DDX10: variants seen among roughly 807,000 people sequenced by gnomAD.
DDX10 encodes DEAD-box helicase 10.
In DDX10, 74 loss-of-function variants were observed where a neutral mutation model predicts 104.3. The observed-to-expected ratio is 0.71, with a 90% CI of 0.59 to 0.86. DDX10 has a LOEUF of 0.86. Among genes scored for constraint, DDX10 ranks in the 40% least tolerant of loss-of-function variants. The pLI, the probability that DDX10 is intolerant of heterozygous loss-of-function variation, is 0.00. For synonymous variants in DDX10, 351 were observed against 353.4 expected (o/e 0.99, Z 0.08); for missense variants, 952 against 1,040.0 (o/e 0.92, Z 1.16).
In DDX10 at chr11:108,863,289, A is replaced by G. The variant is rs72993521; in HGVS notation, c.2304+11080A>G. On this transcript the variant is annotated intron_variant, in intron 16 of 17. Coordinates refer to ENST00000322536, the MANE Select transcript of DDX10 (RefSeq NM_004398.4). ...GGAAATAAATCTTTTATGATTCCAG[A>G]TAAAATGTTAAACTTGGAAAATGCT... is the stretch of plus-strand genomic sequence containing the variant. Among the ~76,000 whole-genome samples, 1,447 of 152,290 alleles carry G rather than the reference A, an allele frequency of 9.5e-3. 18 individuals carry two copies. Among genetic ancestry groups the G allele is most frequent in the Non-Finnish European group, 0.017 (1,180 of 68,024 alleles).
intron 15 of DDX10, among the ~76,000 whole-genome samples, chr11:108,846,535 G>A (rs1024846519): frequency 3.9e-5 from 6 of 152,102 alleles, no homozygotes; most frequent in Non-Finnish European, 5.9e-5. Flanking sequence ...GTGAGATTGT[G>A]TATTATTTAC....
chr11:108,814,949 A>G (rs564057348), intron 13 of DDX10, among the ~76,000 whole-genome samples: 1 of 152,360 alleles, frequency 6.6e-6, no homozygotes, highest in South Asian at 2.1e-4. Flanking sequence ...GTTAGAGATG[A>G]GGCAGAAAAG....
intron 10 of DDX10, among the ~76,000 whole-genome samples, chr11:108,713,305 CA>C (rs1172310623): frequency 2.0e-5 from 3 of 152,196 alleles, no homozygotes; most frequent in Middle Eastern, 3.4e-3. Flanking sequence ...TTCTGATATT[CA>C]GAAAGAACAT....
intron 11 of DDX10, among the ~76,000 whole-genome samples, chr11:108,719,104 GTTT>G (rs36015980): frequency 1.5e-5 from 2 of 129,530 alleles, no homozygotes; most frequent in African/African-American, 2.9e-5. Context: ...TATGAAGATA[GTTT>G]TTTTTTTTTT....
At chr11:108,853,235 A>G (rs932286495) in intron 16 of DDX10, among the ~76,000 whole-genome samples, 1 of 152,300 alleles carries the variant, frequency 6.6e-6, no homozygotes. Flanking sequence ...GGCGTGAAAC[A>G]CCATGGCAGA....
rs1341070563 is a variant in DDX10 at position 108,852,216 on chromosome 11, GT to G, written c.2304+10del. 1 of 1,606,250 alleles carries G rather than the reference GT, an allele frequency of 6.2e-7. No homozygotes were observed. The highest frequency in any genetic ancestry group is 1.1e-5 in the South Asian group (1 of 89,648). ...CAACAAGAGACAAGCAAAGGTAAGGGTTTATATACATTTATTTTTCCAAGCT... is the reference window on the plus strand; with the variant it reads ...CAACAAGAGACAAGCAAAGGTAAGGGTTATATACATTTATTTTTCCAAGCT... On this transcript the variant is annotated splice_region_variant and intron_variant, in intron 16 of 17. Transcript: ENST00000322536.
chr11:108,793,087 G>T (rs951325281), intron 13 of DDX10, among the ~76,000 whole-genome samples: 12 of 152,136 alleles, frequency 7.9e-5, no homozygotes, highest in Admixed American at 1.3e-4. Flanking sequence ...AAAGATATGC[G>T]TCGTAGGCAA....
chr11:108,847,033 C>T (rs944998871), intron 15 of DDX10, among the ~76,000 whole-genome samples: 1 of 152,222 alleles, frequency 6.6e-6, no homozygotes, highest in Non-Finnish European at 1.5e-5. Context: ...GAGACCACCC[C>T]AGCCTTCAGC....
At chr11:108,867,834 C>T (rs1863026815) in intron 16 of DDX10, among the ~76,000 whole-genome samples, 1 of 152,104 alleles carries the variant, frequency 6.6e-6, no homozygotes, top group African/African-American at 2.4e-5. Flanking sequence ...GGCAGGGGCA[C>T]AGAGCCCCCA....
chr11:108,882,839 T>A (rs1863245568), intron 16 of DDX10, among the ~76,000 whole-genome samples: 1 of 152,218 alleles, frequency 6.6e-6, no homozygotes. Flanking sequence ...TTGCTTTTGC[T>A]GGGCCAATGA....
rs528650047 is a variant in DDX10, at chr11:108,768,627, C to T, written c.1965+45165C>T. Among the ~76,000 whole-genome samples, 11 of 152,316 alleles carry T rather than the reference C, an allele frequency of 7.2e-5. No individual in the cohort carries two copies. In the South Asian group the frequency reaches 2.3e-3, roughly 32 times the overall value. ...TTATCTTTGATGTCATAAGAGCATA[C>T]TTGAGGTAACTAAGTCTAAGATTAA... On this transcript the variant is annotated intron_variant, in intron 13 of 17. Coordinates refer to ENST00000322536, the MANE Select transcript of DDX10 (RefSeq NM_004398.4).
chr11:108,896,533 T>C (rs1055579540), intron 16 of DDX10, among the ~76,000 whole-genome samples: 2 of 152,168 alleles, frequency 1.3e-5, no homozygotes, highest in Non-Finnish European at 2.9e-5. Context: ...ATACATGTTT[T>C]AGATTTGGAA....
intron 13 of DDX10, among the ~76,000 whole-genome samples, chr11:108,755,021 A>G (rs2094342900): frequency 6.6e-6 from 1 of 152,016 alleles, no homozygotes; most frequent in African/African-American, 2.4e-5. Flanking sequence ...CCCTGACACA[A>G]CAGATGCTGT....
chr11:108,831,520 C>T (rs1187266020), intron 13 of DDX10, among the ~76,000 whole-genome samples: 2 of 148,852 alleles, frequency 1.3e-5, no homozygotes, highest in Non-Finnish European at 3.0e-5. Context: ...AGTGTTGACT[C>T]TTCTTTATTT....
At chr11:108,695,657 T>C (rs927817578) in intron 9 of DDX10, among the ~76,000 whole-genome samples, 2 of 152,216 alleles carry the variant, frequency 1.3e-5, no homozygotes, top group Non-Finnish European at 2.9e-5. Context: ...TTGTTTCAGC[T>C]GAAGTGAAGG....
At chr11:108,901,015 G>A (rs1863510711) in intron 16 of DDX10, among the ~76,000 whole-genome samples, 1 of 152,076 alleles carries the variant, frequency 6.6e-6, no homozygotes, top group Non-Finnish European at 1.5e-5. Flanking sequence ...TCTCCTTCAT[G>A]AAGTCTTTCT....
At chr11:108,910,740 T>C (rs752751938) in intron 16 of DDX10, among the ~76,000 whole-genome samples, 2 of 33,112 alleles carry the variant, frequency 6.0e-5, no homozygotes, top group Admixed American at 2.7e-4. Context: ...TGTGTGTGTG[T>C]GTGTGTGTGT....
intron 13 of DDX10, among the ~76,000 whole-genome samples, chr11:108,788,746 A>G (rs1369072946): frequency 6.6e-6 from 1 of 152,228 alleles, no homozygotes; most frequent in Non-Finnish European, 1.5e-5. Context: ...GCAATCCAGT[A>G]GGTGGTGCTT....
At chr11:108,890,588 C>G (rs954110234) in intron 16 of DDX10, among the ~76,000 whole-genome samples, 2 of 151,160 alleles carry the variant, frequency 1.3e-5, no homozygotes, top group Non-Finnish European at 2.9e-5. Context: ...AAAAAGGCCT[C>G]TACCCTGCAT....
Sources: gnomAD v4.1 joint callset for allele counts (sites outside exome capture counted in the v4.1 genomes callset) on GRCh38, gnomAD v4.1.1 for gene constraint, MANE v1.5 for transcripts, NCBI Gene and HGNC (gene_info 2026-07-23, HGNC 2026-07-21) for gene names.